Variants in TMED7 observed in about 807,000 individuals in gnomAD.
TMED7 encodes transmembrane emp24 domain-containing protein 7.
TMED7 carries 8 observed loss-of-function variants against 23.4 expected under a neutral mutation model. The observed-to-expected ratio is 0.34, with a 90% CI of 0.20 to 0.62. TMED7 has a LOEUF of 0.62. TMED7 is among the 20% of genes least tolerant of loss of function. The pLI is 0.77. For missense variants in TMED7, 232 were observed against 279.1 expected (o/e 0.83, Z 1.20); for synonymous variants, 121 against 108.5 (o/e 1.12, Z -0.72).
intron 1 of TMED7, among the ~76,000 whole-genome samples, chr5:115,623,264 C>T (rs1015192853): frequency 3.3e-5 from 5 of 152,188 alleles, no homozygotes; most frequent in African/African-American, 9.7e-5. Flanking sequence ...GCAAAGAAAA[C>T]ACCCTGGAAC....
Position 115,615,990 on chromosome 5 carries a change from A to G in TMED7, c.*219T>C, listed in dbSNP as rs1756720655. 1.7e-5 allele frequency: 10 copies of G among 575,368 alleles called. No homozygotes were observed. In the South Asian group the frequency reaches 2.1e-4, roughly 12 times the overall value. 35.6% of individuals were successfully genotyped at this position (575,368 alleles called of 1,614,324 possible). A position where few individuals can be genotyped will look rare whatever the true frequency, so the allele number is the denominator to read the frequency against. On this transcript the variant is annotated 3_prime_UTR_variant, in exon 3 of 3. Coordinates refer to ENST00000456936, the MANE Select transcript of TMED7 (RefSeq NM_181836.6). ...AGTAGATCATTGGTGTTGAATATTT[A>G]ACATGAATAGCCCAAAATGAGTTCC...
At position 115,614,478 on chromosome 5, in the gene TMED7, T is replaced by C. The variant is rs1756610659; in HGVS notation, c.*1731A>G. The C allele has an allele frequency of 6.6e-6, 1 of 152,528 alleles. No homozygotes were observed. Among genetic ancestry groups the C allele is most frequent in the Admixed American group, 6.5e-5 (1 of 15,270 alleles). 9.4% of individuals were successfully genotyped at this position (152,528 alleles called of 1,614,324 possible). On this transcript the variant is annotated 3_prime_UTR_variant, in exon 3 of 3. Transcript: ENST00000456936. ...TGATCAATCACATTAACATCAGTGC[T>C]TACAACTTTCAAATTTAAATATAAA...
intron 1 of TMED7, among the ~76,000 whole-genome samples, chr5:115,623,743 A>C (rs1371886131): frequency 6.6e-6 from 1 of 152,144 alleles, no homozygotes; most frequent in Non-Finnish European, 1.5e-5. Flanking sequence ...CTCTAACATC[A>C]GCTCCTCAGC....
intron 2 of TMED7, among the ~76,000 whole-genome samples, chr5:115,618,460 T>C (rs1273376164): frequency 1.3e-5 from 2 of 152,330 alleles, no homozygotes; most frequent in African/African-American, 4.8e-5. Flanking sequence ...ATTTGGCTGA[T>C]GTAAGTGTTC....
chr5:115,617,647 T>C lies in TMED7; in HGVS notation c.439-1202A>G, dbSNP rs17138041. ...AAATGGCATATTGCCCAAGGATTCT[T>C]CACCTGGAAAGTACACATAAAGGCA... is the stretch of plus-strand genomic sequence containing the variant. On this transcript the variant is annotated intron_variant, in intron 2 of 2. Transcript: ENST00000456936. Among the ~76,000 whole-genome samples the C allele has an allele frequency of 4.5e-3, 693 of 152,322 alleles. 8 individuals carry two copies. The highest frequency in any genetic ancestry group is 0.012 in the African/African-American group (508 of 41,566).
intron 1 of TMED7, 75 bp downstream of exon 1, chr5:115,625,526 A>G: frequency 7.2e-7 from 1 of 1,379,828 alleles, no homozygotes; most frequent in Non-Finnish European, 9.5e-7. Context: ...CGGACAGGAA[A>G]GTGCCATCCC....
At chr5:115,623,556 C>G (rs1460557096) in intron 1 of TMED7, among the ~76,000 whole-genome samples, 1 of 152,136 alleles carries the variant, frequency 6.6e-6, no homozygotes, top group Non-Finnish European at 1.5e-5. Context: ...ATAAATATAA[C>G]TATAGTCACA....
chr5:115,616,097 T>G lies in TMED7; in HGVS notation c.*112A>C. ...TGCATTGTACATCCCTCCCAACAAG[T>G]GTATGAGTAAGGATTTAAAAATGTT... is the stretch of plus-strand genomic sequence containing the variant. On this transcript the variant is annotated 3_prime_UTR_variant, in exon 3 of 3. Transcript: ENST00000456936. 9.8e-7 allele frequency: 1 copy of G among 1,016,278 alleles called. No individual in the cohort carries two copies. The highest frequency in any genetic ancestry group is 1.5e-6 in the Non-Finnish European group (1 of 668,904). 63.0% of individuals were successfully genotyped at this position (1,016,278 alleles called of 1,614,324 possible).
At chr5:115,624,125 A>G (rs1429529667) in intron 1 of TMED7, among the ~76,000 whole-genome samples, 1 of 152,202 alleles carries the variant, frequency 6.6e-6, no homozygotes, top group African/African-American at 2.4e-5. Context: ...CCTTAGCACT[A>G]ATCACTGAGT....
In TMED7 at chr5:115,614,599, A is replaced by C. The variant is rs1190384447; in HGVS notation, c.*1610T>G. On this transcript the variant is annotated 3_prime_UTR_variant, in exon 3 of 3. Transcript: ENST00000456936. ...CTTCTTAATCCATTGATAAATATTAAGGAGTAGCTGGTCTTCAAACACCGT... is the reference window on the plus strand; with the variant it reads ...CTTCTTAATCCATTGATAAATATTACGGAGTAGCTGGTCTTCAAACACCGT... 6.6e-6 allele frequency: 1 copy of C among 152,304 alleles called. No homozygotes were observed. The highest frequency in any genetic ancestry group is 1.5e-5 in the Non-Finnish European group (1 of 67,992). 9.4% of individuals were successfully genotyped at this position (152,304 alleles called of 1,614,324 possible).
rs1756724071 is a variant in TMED7, at chr5:115,616,041, A to C, written c.*168T>G. 1 of 697,786 alleles carries C rather than the reference A, an allele frequency of 1.4e-6. No homozygotes were observed. The highest frequency in any genetic ancestry group is 2.7e-5 in the East Asian group (1 of 36,816). 43.2% of individuals were successfully genotyped at this position (697,786 alleles called of 1,614,324 possible). On this transcript the variant is annotated 3_prime_UTR_variant, in exon 3 of 3. Transcript: ENST00000456936. ...AAAGTTTTTCCACCTTTACAAATAA[A>C]AAAAGGTGTCCTTTCCACAGTTTGG... is the stretch of plus-strand genomic sequence containing the variant.
At position 115,625,796 on chromosome 5, in the gene TMED7, G is replaced by C. The variant is rs1334234283; in HGVS notation, c.-4C>G. 2 of 1,415,464 alleles carry C rather than the reference G, an allele frequency of 1.4e-6. No homozygotes were observed. The highest frequency in any genetic ancestry group is 5.9e-5 in the East Asian group (2 of 33,890). 87.7% of individuals were successfully genotyped at this position (1,415,464 alleles called of 1,614,324 possible). A position where few individuals can be genotyped will look rare whatever the true frequency, so the allele number is the denominator to read the frequency against. On this transcript the variant is annotated 5_prime_UTR_variant, in exon 1 of 3. Coordinates refer to ENST00000456936, the MANE Select transcript of TMED7 (RefSeq NM_181836.6). Reference sequence around the variant, plus strand: ...GCGCGGACCCCGGCCGCGGCATCCCGAGAAGGCGGCGGCGGCCTCAACCGA... The same window carrying C: ...GCGCGGACCCCGGCCGCGGCATCCCCAGAAGGCGGCGGCGGCCTCAACCGA...
chr5:115,625,109 T>C (rs1580460080), intron 1 of TMED7, among the ~76,000 whole-genome samples: 3 of 152,382 alleles, frequency 2.0e-5, no homozygotes, highest in African/African-American at 7.2e-5. Flanking sequence ...CAATTCTTTC[T>C]ACAACTCCCT....
rs1756720257 is a variant in TMED7 at position 115,615,983 on chromosome 5, A to G, written c.*226T>C. The G allele has an allele frequency of 1.8e-6, 1 of 565,632 alleles. No homozygotes were observed. Among genetic ancestry groups the G allele is most frequent in the African/African-American group, 1.9e-5 (1 of 53,384 alleles). The allele number at this position is 565,632 out of a possible 1,614,324, so 35.0% of individuals were successfully genotyped here. A position where few individuals can be genotyped will look rare whatever the true frequency, so the allele number is the denominator to read the frequency against. On this transcript the variant is annotated 3_prime_UTR_variant, in exon 3 of 3. Transcript: ENST00000456936. The stretch of plus-strand genomic sequence containing the variant: ...CGAACAGAGTAGATCATTGGTGTTG[A>G]ATATTTAACATGAATAGCCCAAAAT...
intron 2 of TMED7, among the ~76,000 whole-genome samples, chr5:115,618,344 G>T (rs1464367315): frequency 6.6e-6 from 1 of 152,130 alleles, no homozygotes; most frequent in East Asian, 1.9e-4. Flanking sequence ...TATAACACAT[G>T]AAATAATCTA....
chr5:115,625,795 C>G lies in TMED7; in HGVS notation c.-3G>C. The G allele has an allele frequency of 1.4e-6, 2 of 1,415,852 alleles. No individual in the cohort carries two copies. Among genetic ancestry groups the G allele is most frequent in the Non-Finnish European group, 1.8e-6 (2 of 1,089,824 alleles). The allele number at this position is 1,415,852 out of a possible 1,614,324, so 87.7% of individuals were successfully genotyped here. A position where few individuals can be genotyped will look rare whatever the true frequency, so the allele number is the denominator to read the frequency against. ...TGCGCGGACCCCGGCCGCGGCATCCCGAGAAGGCGGCGGCGGCCTCAACCG... is the reference window on the plus strand; with the variant it reads ...TGCGCGGACCCCGGCCGCGGCATCCGGAGAAGGCGGCGGCGGCCTCAACCG... On this transcript the variant is annotated 5_prime_UTR_variant, in exon 1 of 3. Coordinates refer to ENST00000456936, the MANE Select transcript of TMED7 (RefSeq NM_181836.6).
In TMED7 at chr5:115,616,261, A is replaced by C. The variant is rs1756738115; in HGVS notation, c.623T>G (p.Leu208Trp). The C allele has an allele frequency of 6.2e-7, 1 of 1,614,076 alleles. No individual in the cohort carries two copies. Among genetic ancestry groups the C allele is most frequent in the Non-Finnish European group, 8.5e-7 (1 of 1,180,024 alleles). The part of the protein sequence containing the change: ...LVVSIGQVFL[L>W]KSFFSDKRTT... ...TCTTTTATCTGAGAAAAAGCTTTTC[A>C]AAAGAAATACCTGCCCTATGCTAAC... The change falls in exon 3 of 3, where the codon TTG becomes TGG. Residue 208 changes from leucine to tryptophan, a missense_variant. Transcript: ENST00000456936.
chr5:115,623,344 T>C (rs1757099652), intron 1 of TMED7, among the ~76,000 whole-genome samples: 1 of 152,230 alleles, frequency 6.6e-6, no homozygotes, highest in East Asian at 1.9e-4. Context: ...ATATTCCTGC[T>C]ACGCAGCTAG....
intron 1 of TMED7, among the ~76,000 whole-genome samples, chr5:115,624,108 G>C (rs1328476467): frequency 6.6e-6 from 1 of 152,144 alleles, no homozygotes; most frequent in East Asian, 1.9e-4. Flanking sequence ...AGCCATTGTA[G>C]TAGTATCCTT....
Sources: allele counts gnomAD v4.1 joint callset (sites outside exome capture counted in the v4.1 genomes callset), GRCh38; gene constraint gnomAD v4.1.1; transcripts MANE v1.5; gene names NCBI Gene and HGNC (gene_info 2026-07-23, HGNC 2026-07-21).